Variants in AFF1 observed in about 807,000 individuals in gnomAD.
AFF1 encodes ALF transcription elongation factor 1, also known as AF4/FMR2 family member 1.
AFF1 carries 48 observed loss-of-function variants against 121.7 expected under a neutral mutation model. The observed-to-expected ratio is 0.39, with a 90% CI of 0.31 to 0.50. AFF1 has a LOEUF of 0.50. Ranked by LOEUF, AFF1 falls within the 20% of genes least tolerant of loss-of-function variation. The pLI is 0.76. For missense variants in AFF1, 1,523 were observed against 1,511.7 expected, an observed-to-expected ratio of 1.01 and a Z score of -0.12; for synonymous variants, 613 against 563.0, an observed-to-expected ratio of 1.09 and a Z score of -1.26.
At chr4:87,020,511 G>A (rs780455221) in intron 2 of AFF1, among the ~76,000 whole-genome samples, 1 of 152,176 alleles carries the variant, frequency 6.6e-6, no homozygotes, top group Non-Finnish European at 1.5e-5. Context: ...TTCAGATGGA[G>A]TCTTGCTCTG....
At chr4:87,029,673 A>G (rs55787557) in intron 2 of AFF1, among the ~76,000 whole-genome samples, 31,967 of 152,064 alleles carry the variant, frequency 0.21, 3,526 homozygotes, top group East Asian at 0.33. Flanking sequence ...TGTCCCGTAT[A>G]TCCTGTCATT....
At chr4:87,034,829 A>AC (rs1729406100) in intron 2 of AFF1, among the ~76,000 whole-genome samples, 1 of 151,688 alleles carries the variant, frequency 6.6e-6, no homozygotes, top group African/African-American at 2.4e-5. Context: ...TTGTCGTTAG[A>AC]TAATAAATAG....
intron 4 of AFF1, among the ~76,000 whole-genome samples, chr4:87,066,947 G>A (rs1318943240): frequency 2.0e-5 from 3 of 152,158 alleles, no homozygotes; most frequent in East Asian, 1.9e-4. Flanking sequence ...TCAAGTACAC[G>A]ACGGCTTCTT....
Position 87,115,202 on chromosome 4 carries a change from A to G in AFF1, c.2369A>G (p.Gln790Arg), listed in dbSNP as rs1726977219. The stretch of plus-strand genomic sequence containing the variant: ...CAGCCTCCCGGGAAGGGGAGCCGCC[A>G]GAGGAAAGCAGAAGATAAACAGCCG... The part of the protein sequence containing the change: ...IPQPPGKGSR[Q>R]RKAEDKQPPA... Residue 790 changes from glutamine to arginine, a missense_variant, in exon 12 of 21, where the codon CAG (glutamine) becomes CGG (arginine). By Grantham distance (43) the Gln-to-Arg change is conservative. Around this residue, in one of 5 missense-constraint regions of AFF1, gnomAD observed 905 missense variants for 842.5 expected, o/e 1.07. Coordinates refer to ENST00000395146, the MANE Select transcript of AFF1 (RefSeq NM_001166693.3). 5 of 1,614,208 alleles carry G rather than the reference A, an allele frequency of 3.1e-6. No homozygotes were observed. The highest frequency in any genetic ancestry group is 3.4e-6 in the Non-Finnish European group (4 of 1,180,038).
At chr4:87,046,110 A>G (rs771053384) in intron 2 of AFF1, 56 bp from the exon 3 acceptor site, 2 of 1,601,698 alleles carry the variant, frequency 1.2e-6, no homozygotes, top group Admixed American at 3.5e-5. Flanking sequence ...ATGCCTGACA[A>G]AACTTGGAGA....
In AFF1 at chr4:87,135,590, T is replaced by G. The variant is rs754971673; in HGVS notation, c.3546T>G (p.Ala1182=). The part of the protein sequence containing the change: ...ALTRKNKEFF[A]RLSTNVCTLA... ...TTGTTTTTTTTGCAGAATTCTTTGC[T>G]CGGCTCAGCACAAATGTGTGCACCT... Residue 1182 remains alanine, a synonymous_variant, in exon 21 of 21, where the codon GCT becomes GCG. Coordinates refer to ENST00000395146, the MANE Select transcript of AFF1 (RefSeq NM_001166693.3). 6.3e-7 allele frequency: 1 copy of G among 1,576,500 alleles called. No individual in the cohort carries two copies. Among genetic ancestry groups the G allele is most frequent in the Non-Finnish European group, 8.6e-7 (1 of 1,158,616 alleles).
intron 4 of AFF1, among the ~76,000 whole-genome samples, chr4:87,076,310 AGAGATTCTGCAGTTAGG>A (rs1209990516): frequency 5.9e-5 from 9 of 152,302 alleles, no homozygotes; most frequent in South Asian, 2.1e-4. Context: ...AGAGAACTAT[AGAGATTCTGCAGTTAGG>A]GAGATTCTGC....
At chr4:87,127,872 A>G (rs1728450511) in intron 16 of AFF1, among the ~76,000 whole-genome samples, 169 bp downstream of exon 16, 1 of 152,144 alleles carries the variant, frequency 6.6e-6, no homozygotes, top group Non-Finnish European at 1.5e-5. Context: ...ATTGGCCACA[A>G]CATATGCACG....
intron 4 of AFF1, among the ~76,000 whole-genome samples, chr4:87,082,672 G>T (rs1458442064): frequency 1.3e-5 from 2 of 152,210 alleles, no homozygotes; most frequent in Admixed American, 1.3e-4. Flanking sequence ...CAGGCAATCT[G>T]CCCGCCTCGG....
At chr4:86,939,356 T>G (rs1720288365) in intron 1 of AFF1, among the ~76,000 whole-genome samples, 1 of 152,196 alleles carries the variant, frequency 6.6e-6, no homozygotes, top group Non-Finnish European at 1.5e-5. Context: ...GATGTGTGGT[T>G]TCCTGTTTTT....
intron 2 of AFF1, among the ~76,000 whole-genome samples, chr4:87,041,879 G>C (rs955405805): frequency 5.3e-5 from 8 of 152,082 alleles, no homozygotes; most frequent in African/African-American, 1.7e-4. Flanking sequence ...GCCAGGCGTG[G>C]TGTCGGGTGC....
chr4:87,043,825 CTTT>C (rs10543473), intron 2 of AFF1, among the ~76,000 whole-genome samples: 1 of 149,924 alleles, frequency 6.7e-6, no homozygotes, highest in Non-Finnish European at 1.5e-5. Flanking sequence ...TTCTTTCTTT[CTTT>C]TTTTTTTTGA....
At chr4:86,964,239 T>C (rs1227012189) in intron 2 of AFF1, among the ~76,000 whole-genome samples, 1 of 151,178 alleles carries the variant, frequency 6.6e-6, no homozygotes, top group Non-Finnish European at 1.5e-5. Flanking sequence ...TTCTCCTGCC[T>C]CAGTCTCCCG....
intron 2 of AFF1, among the ~76,000 whole-genome samples, chr4:87,014,771 G>C (rs1460428803): frequency 6.6e-6 from 1 of 152,182 alleles, no homozygotes; most frequent in Admixed American, 6.5e-5. Flanking sequence ...TTGTTAAATT[G>C]CTTCTCCCCC....
At chr4:87,007,333 G>A in intron 2 of AFF1, 8 of 1,607,910 alleles carry the variant, frequency 5.0e-6, no homozygotes, top group Non-Finnish European at 5.9e-6. Context: ...CAAATGGTGA[G>A]CGCGGCGCTG....
At chr4:86,978,602 G>C (rs1363175321) in intron 2 of AFF1, among the ~76,000 whole-genome samples, 1 of 152,124 alleles carries the variant, frequency 6.6e-6, no homozygotes, top group Non-Finnish European at 1.5e-5. Flanking sequence ...GAGTGCAGTG[G>C]TGCAACCAAT....
At chr4:87,048,605 A>G (rs1026511721) in intron 4 of AFF1, among the ~76,000 whole-genome samples, 1 of 152,240 alleles carries the variant, frequency 6.6e-6, no homozygotes, top group Non-Finnish European at 1.5e-5. Flanking sequence ...ACATAATGCC[A>G]GAAGGTGAAA....
Position 87,135,809 on chromosome 4 carries a change from G to C in AFF1, c.*108G>C. ...CAGGACACCAAACTCTAAAAAAGAAGCACCACGAGATGGCCAGGACATTTG... is the reference window on the plus strand; with the variant it reads ...CAGGACACCAAACTCTAAAAAAGAACCACCACGAGATGGCCAGGACATTTG... On this transcript the variant is annotated 3_prime_UTR_variant, in exon 21 of 21. Coordinates refer to ENST00000395146, the MANE Select transcript of AFF1 (RefSeq NM_001166693.3). The C allele has an allele frequency of 7.2e-7, 1 of 1,396,798 alleles. No homozygotes were observed. Among genetic ancestry groups the C allele is most frequent in the South Asian group, 1.8e-5 (1 of 56,410 alleles). 86.5% of individuals were successfully genotyped at this position (1,396,798 alleles called of 1,614,324 possible). A position where few individuals can be genotyped will look rare whatever the true frequency, so the allele number is the denominator to read the frequency against.
chr4:87,107,489 G>A (rs1214353810), intron 10 of AFF1, among the ~76,000 whole-genome samples: 1 of 152,156 alleles, frequency 6.6e-6, no homozygotes, highest in Non-Finnish European at 1.5e-5. Context: ...AGAATGGTCC[G>A]TTTTGTAGTT....
Sources: gnomAD v4.1 joint callset for allele counts (sites outside exome capture counted in the v4.1 genomes callset) on GRCh38, gnomAD v4.1.1 for gene constraint, gnomAD v4.1.1 regional missense constraint, MANE v1.5 for transcripts, NCBI Gene and HGNC (gene_info 2026-07-23, HGNC 2026-07-21) for gene names.